SYBU: variants seen among roughly 807,000 people sequenced by gnomAD.
The protein encoded by SYBU is GOLSYN A protein.
In SYBU, 21 loss-of-function variants were observed where a neutral mutation model predicts 35.9. The ratio of observed to expected loss-of-function variants is 0.58; its 90% confidence interval spans 0.41 to 0.84. The LOEUF (loss-of-function observed/expected upper bound fraction) is 0.84. Ranked by LOEUF, SYBU falls within the 40% of genes least tolerant of loss-of-function variation. The pLI is 0.00. For synonymous variants in SYBU, 319 were observed against 324.3 expected (o/e 0.98, Z 0.18); for missense variants, 768 against 848.2 (o/e 0.91, Z 1.17).
intron 1 of SYBU, chr8:109,644,124 C>T (rs1451098800): frequency 1.1e-5 from 5 of 457,760 alleles, no homozygotes; most frequent in South Asian, 7.7e-5. Context: ...TAAACCTCAG[C>T]AATGGGGAAC....
intron 3 of SYBU, chr8:109,586,566 T>C (rs1823647069): frequency 6.3e-6 from 1 of 159,450 alleles, no homozygotes; most frequent in Non-Finnish European, 1.4e-5. Context: ...AGAGAGTTTA[T>C]CTTTGGGCTT....
chr8:109,580,007 G>A lies in SYBU; in HGVS notation c.531-5C>T. ...CTCCGCCCATGAGGACCTCGACTGGGAGAAAAGAATGAAAAATGTTAAAAT... is the reference window on the plus strand; with the variant it reads ...CTCCGCCCATGAGGACCTCGACTGGAAGAAAAGAATGAAAAATGTTAAAAT... On this transcript the variant is annotated splice_region_variant and splice_polypyrimidine_tract_variant and intron_variant, in intron 4 of 6. Coordinates refer to ENST00000276646, the MANE Select transcript of SYBU (RefSeq NM_001099754.2). 1.9e-6 allele frequency: 3 copies of A among 1,611,782 alleles called. No homozygotes were observed. Among genetic ancestry groups the A allele is most frequent in the South Asian group, 2.2e-5 (2 of 90,982 alleles).
At chr8:109,653,616 A>G (rs535841778) in intron 1 of SYBU, among the ~76,000 whole-genome samples, 8 of 152,284 alleles carry the variant, frequency 5.3e-5, no homozygotes, top group African/African-American at 1.9e-4. Context: ...CTGCCTGGCA[A>G]TCATTTTGGG....
At position 109,578,390 on chromosome 8, in the gene SYBU, G is replaced by A. The variant is rs560403389; in HGVS notation, c.735-373C>T. 4.9e-4 allele frequency among the ~76,000 whole-genome samples: 75 copies of A among 152,228 alleles called. No homozygotes were observed. In the Middle Eastern group the frequency reaches 0.01, roughly 21 times the overall value. ...CTACAGTATGTAGCCCATGGTTCTC[G>A]AAAGATTTGGACCAACATCTAGAGT... On this transcript the variant is annotated intron_variant, in intron 5 of 6. Coordinates refer to ENST00000276646, the MANE Select transcript of SYBU (RefSeq NM_001099754.2).
chr8:109,580,482 A>T (rs1001235077), intron 4 of SYBU: 1 of 161,546 alleles, frequency 6.2e-6, no homozygotes, highest in African/African-American at 2.4e-5. Context: ...GGAGGAGGAG[A>T]AAACAGGGCA....
upstream of SYBU, chr8:109,644,839 C>G (rs1045954222): frequency 2.2e-5 from 13 of 591,718 alleles, no homozygotes; most frequent in Admixed American, 3.4e-4. Context: ...CGAGGGCACG[C>G]CCGACCCCGC....
At chr8:109,612,996 A>G (rs1458523686) in intron 3 of SYBU, among the ~76,000 whole-genome samples, 1 of 73,972 alleles carries the variant, frequency 1.4e-5, no homozygotes, top group Non-Finnish European at 2.5e-5. Flanking sequence ...AAAAAAAAAA[A>G]GAAGAAGAAG....
chr8:109,673,074 C>A (rs1038385608), intron 1 of SYBU, among the ~76,000 whole-genome samples: 25 of 152,332 alleles, frequency 1.6e-4, no homozygotes, highest in African/African-American at 5.3e-4. Context: ...TCGGACAGAG[C>A]ACCTGGGGGA....
chr8:109,575,383 A>T lies in SYBU; in HGVS notation c.1515T>A (p.Ser505Arg), dbSNP rs769667914. The change falls in exon 7 of 7, where the codon AGT becomes AGA. Residue 505 changes from serine (S) to arginine (R), a missense_variant. Ser to Arg is a moderately radical substitution (Grantham distance 110, BLOSUM62 -1). Coordinates refer to ENST00000276646, the MANE Select transcript of SYBU (RefSeq NM_001099754.2). Reference sequence around the variant, plus strand: ...AGGGGTCCTGGAGCTTCTGCAGCACACTCTGAATGAGCTCTGAGATGGCTG... The same window carrying T: ...AGGGGTCCTGGAGCTTCTGCAGCACTCTCTGAATGAGCTCTGAGATGGCTG... Reference protein sequence around the residue: ...YSPAISELIQSVLQKLQDPCP... With the variant: ...YSPAISELIQRVLQKLQDPCP... 1 of 1,613,894 alleles carries T rather than the reference A, an allele frequency of 6.2e-7. No individual in the cohort carries two copies. The highest frequency in any genetic ancestry group is 1.1e-5 in the South Asian group (1 of 91,064).
At chr8:109,687,222 T>C (rs1184405112) in intron 1 of SYBU, among the ~76,000 whole-genome samples, 2 of 152,188 alleles carry the variant, frequency 1.3e-5, no homozygotes, top group African/African-American at 2.4e-5. Flanking sequence ...CATTTAATAC[T>C]GATGAAAAAC....
chr8:109,665,223 C>A (rs1586975574), intron 1 of SYBU, among the ~76,000 whole-genome samples: 1 of 152,188 alleles, frequency 6.6e-6, no homozygotes, highest in East Asian at 1.9e-4. Flanking sequence ...CGGTATGTAA[C>A]AATATAAAAA....
chr8:109,603,585 C>A (rs1000616789), intron 3 of SYBU: 77 of 166,252 alleles, frequency 4.6e-4, no homozygotes, highest in African/African-American at 1.7e-3. Context: ...CTCCAGCCCA[C>A]AATGTTCTGT....
chr8:109,689,847 A>C (rs913261958), intron 1 of SYBU, among the ~76,000 whole-genome samples: 5 of 151,708 alleles, frequency 3.3e-5, no homozygotes, highest in African/African-American at 1.2e-4. Context: ...AAAAAAAAAA[A>C]AAAAAAAACC....
Position 109,612,272 on chromosome 8 carries a change from G to A in SYBU, c.427+6570C>T, listed in dbSNP as rs114845738. Among the ~76,000 whole-genome samples, 1,278 of 152,094 alleles carry A rather than the reference G, an allele frequency of 8.4e-3. 10 individuals are homozygous for A. Among genetic ancestry groups the A allele is most frequent in the African/African-American group, 0.029 (1,199 of 41,472 alleles). On this transcript the variant is annotated intron_variant, in intron 3 of 6. Transcript: ENST00000276646. The stretch of plus-strand genomic sequence containing the variant: ...GACAGGCAGTGCTTGATAACTATTC[G>A]TTTAAAAAAACTAATCAAATTTCAG...
At chr8:109,628,018 T>G (rs192357540) in intron 2 of SYBU, among the ~76,000 whole-genome samples, 2 of 152,338 alleles carry the variant, frequency 1.3e-5, no homozygotes, top group East Asian at 3.9e-4. Flanking sequence ...CAGTGGCTGA[T>G]GTTGAAGTGT....
rs2131153896 is a variant in SYBU at position 109,574,460 on chromosome 8, T to C, written c.*446A>G. The C allele has an allele frequency of 6.5e-6, 1 of 154,682 alleles. No individual in the cohort carries two copies. Among genetic ancestry groups the C allele is most frequent in the South Asian group, 2.1e-4 (1 of 4,860 alleles). 9.6% of individuals were successfully genotyped at this position (154,682 alleles called of 1,614,324 possible). On this transcript the variant is annotated 3_prime_UTR_variant, in exon 7 of 7. Coordinates refer to ENST00000276646, the MANE Select transcript of SYBU (RefSeq NM_001099754.2). The stretch of plus-strand genomic sequence containing the variant: ...GCTATTCAAGACTTCTTCAAACCAA[T>C]TACACAAATACATGTTTATTTTTGG...
chr8:109,607,905 A>G (rs1826238363), intron 3 of SYBU: 1 of 1,464,326 alleles, frequency 6.8e-7, no homozygotes, highest in Non-Finnish European at 9.2e-7. Context: ...GACTAATACT[A>G]CTTACTTAGA....
At chr8:109,582,356 T>C (rs1266135637) in intron 4 of SYBU, among the ~76,000 whole-genome samples, 1 of 152,248 alleles carries the variant, frequency 6.6e-6, no homozygotes, top group Non-Finnish European at 1.5e-5. Flanking sequence ...AAACTCATTA[T>C]AGGCATTGAT....
At chr8:109,602,052 A>G (rs1825592819) in intron 3 of SYBU, among the ~76,000 whole-genome samples, 2 of 152,164 alleles carry the variant, frequency 1.3e-5, no homozygotes, top group African/African-American at 4.8e-5. Context: ...TCATAAGGTA[A>G]GGGAAAAGGA....
Sources: allele counts gnomAD v4.1 joint callset (sites outside exome capture counted in the v4.1 genomes callset), GRCh38; gene constraint gnomAD v4.1.1; transcripts MANE v1.5; gene names NCBI Gene and HGNC (gene_info 2026-07-23, HGNC 2026-07-21).